The following USP42 variants were observed in gnomAD, a reference collection of about 807,000 sequenced individuals.
USP42 encodes the protein ubiquitin specific peptidase 42.
Under a neutral mutation model 113.0 loss-of-function variants are expected in USP42, and 23 were observed. That is an observed-to-expected ratio of 0.20 (90% CI 0.15 to 0.29). The LOEUF (loss-of-function observed/expected upper bound fraction) is 0.29, where lower values mean the gene tolerates loss of function less well. Ranked by LOEUF, USP42 falls within the 10% of genes least tolerant of loss-of-function variation. The probability of loss-of-function intolerance (pLI) is 1.00; values close to 1 mark genes in which losing one functional copy is unlikely to be tolerated. For missense variants in USP42, 2,174 were observed against 1,779.8 expected (o/e 1.22, Z -3.99); for synonymous variants, 933 against 699.0 (o/e 1.33, Z -5.28).
At chr7:6,104,284 A>G (rs938923320), upstream of USP42, among the ~76,000 whole-genome samples, 5 of 148,550 alleles carry the variant, frequency 3.4e-5, no homozygotes, top group Non-Finnish European at 7.4e-5. Context: ...GGGTTTCACC[A>G]TGCTGGCCAG....
At chr7:6,100,004 C>CTATTTTTATTAT (rs141280623), upstream of USP42, among the ~76,000 whole-genome samples, 7,480 of 144,248 alleles carry the variant, frequency 0.052, 750 homozygotes, top group East Asian at 0.41. Context: ...TTTCACAAGT[C>CTATTTTTATTAT]TATTATTATT....
rs546215515 is a variant in USP42, at chr7:6,133,255, C to T, written c.443-2586C>T. Among the ~76,000 whole-genome samples the T allele has an allele frequency of 2.0e-5, 3 of 152,222 alleles. No individual in the cohort carries two copies. In the South Asian group the frequency reaches 6.2e-4, roughly 32 times the overall value. On this transcript the variant is annotated intron_variant, in intron 3 of 17. Transcript: ENST00000306177. ...TCCCAAAAACCTCCTTTGTGCTTTT[C>T]GTTTGTAGATAATTGTTATTTCTTG... is the stretch of plus-strand genomic sequence containing the variant.
At chr7:6,155,334 G>T in intron 15 of USP42, 139 bp downstream of exon 15, 1 of 1,375,124 alleles carries the variant, frequency 7.3e-7, no homozygotes, top group Admixed American at 3.0e-5. Flanking sequence ...TCATTTCTGT[G>T]GGTTTTGAGA....
Position 6,125,484 on chromosome 7 carries a change from C to G in USP42, c.442+9961C>G, listed in dbSNP as rs142815293. Among the ~76,000 whole-genome samples the G allele has an allele frequency of 1.4e-4, 21 of 152,280 alleles. 1 individual carries two copies. The highest frequency in any genetic ancestry group is 3.6e-4 in the African/African-American group (15 of 41,566). ...CAGCCTAGGCAACAAGAGCGAAACTCTGTCACAAAACAAAACACAACAATA... is the reference window on the plus strand; with the variant it reads ...CAGCCTAGGCAACAAGAGCGAAACTGTGTCACAAAACAAAACACAACAATA... On this transcript the variant is annotated intron_variant, in intron 3 of 17. Coordinates refer to ENST00000306177, the MANE Select transcript of USP42 (RefSeq NM_032172.3).
intron 6 of USP42, among the ~76,000 whole-genome samples, 166 bp from the exon 7 acceptor site, chr7:6,140,748 C>T (rs970167765): frequency 5.3e-5 from 8 of 152,174 alleles, no homozygotes; most frequent in African/African-American, 1.9e-4. Flanking sequence ...TTACACTTTT[C>T]ACCCATATTA....
At chr7:6,146,457 C>T (rs962224520) in intron 11 of USP42, among the ~76,000 whole-genome samples, 7 of 151,984 alleles carry the variant, frequency 4.6e-5, no homozygotes, top group African/African-American at 1.7e-4. Context: ...CCCAGGAGTT[C>T]GAGACCGACC....
rs370996318 is a variant in USP42, at chr7:6,149,938, C to T, written c.1742C>T (p.Pro581Leu). Reference sequence around the variant, plus strand: ...TCAGTTTCTAGTAAAGTAACAAAACCGATCCCCCGCAGTGAATCCTGCTCC... The same window carrying T: ...TCAGTTTCTAGTAAAGTAACAAAACTGATCCCCCGCAGTGAATCCTGCTCC... ...TMSVSSKVTK[P>L]IPRSESCSQP... The change falls in exon 13 of 18, where the codon CCG (proline) becomes CTG (leucine). Residue 581 changes from proline (P) to leucine (L), a missense_variant. By Grantham distance (98) the Pro-to-Leu change is moderately conservative (BLOSUM62 -3). Coordinates refer to ENST00000306177, the MANE Select transcript of USP42 (RefSeq NM_032172.3). 1.4e-4 allele frequency: 224 copies of T among 1,614,000 alleles called. No homozygotes were observed. Among genetic ancestry groups the T allele is most frequent in the Non-Finnish European group, 1.7e-4 (206 of 1,179,894 alleles).
chr7:6,084,911 G>C, the USP42 span, among the ~76,000 whole-genome samples: 1 of 150,388 alleles, frequency 6.6e-6, no homozygotes, highest in Non-Finnish European at 1.5e-5. Flanking sequence ...TATAGATGGG[G>C]TTTCACCATG....
intron 3 of USP42, among the ~76,000 whole-genome samples, chr7:6,135,416 G>GGT (rs550131803): frequency 8.1e-4 from 124 of 152,200 alleles, no homozygotes; most frequent in African/African-American, 2.9e-3. Context: ...GGGAGGCCAA[G>GGT]GTGGGTGGAT....
At chr7:6,150,653 A>G (rs1480570265) in intron 14 of USP42, 147 bp downstream of exon 14, 1 of 804,466 alleles carries the variant, frequency 1.2e-6, no homozygotes, top group Non-Finnish European at 2.0e-6. Flanking sequence ...TATAGGATTT[A>G]TTAACTTGCC....
At chr7:6,141,338 G>A (rs1271186558) in intron 7 of USP42, among the ~76,000 whole-genome samples, 1 of 151,330 alleles carries the variant, frequency 6.6e-6, no homozygotes, top group Non-Finnish European at 1.5e-5. Context: ...GAGTAGGTGG[G>A]ACTATAGGTG....
At chr7:6,113,952 A>G (rs908354118) in intron 2 of USP42, among the ~76,000 whole-genome samples, 74 of 152,288 alleles carry the variant, frequency 4.9e-4, no homozygotes, top group African/African-American at 1.6e-3. Context: ...GCACTGGGGG[A>G]CTGCCAAAGC....
intron 3 of USP42, among the ~76,000 whole-genome samples, chr7:6,133,606 C>A (rs969339084): frequency 2.0e-5 from 3 of 152,006 alleles, no homozygotes; most frequent in African/African-American, 7.3e-5. Flanking sequence ...CCTCCAACTG[C>A]TGGGCTCAGG....
chr7:6,086,168 T>G, the USP42 span, among the ~76,000 whole-genome samples: 8 of 149,792 alleles, frequency 5.3e-5, no homozygotes, highest in Non-Finnish European at 2.9e-5. Flanking sequence ...CCCGAGTACC[T>G]GGGATTACAG....
At position 6,123,391 on chromosome 7, in the gene USP42, C is replaced by T. The variant is rs182110664; in HGVS notation, c.442+7868C>T. 5.5e-4 allele frequency among the ~76,000 whole-genome samples: 84 copies of T among 151,844 alleles called. 1 individual carries two copies. Among genetic ancestry groups the T allele is most frequent in the South Asian group, 2.5e-3 (12 of 4,794 alleles). ...AAATATTAAAAAATTGGGCTGGGTG[C>T]GGTGGCTCACGCCTGTAATCCCAGC... On this transcript the variant is annotated intron_variant, in intron 3 of 17. Coordinates refer to ENST00000306177, the MANE Select transcript of USP42 (RefSeq NM_032172.3).
At chr7:6,116,908 A>G (rs773257533) in intron 3 of USP42, 1 of 513,754 alleles carries the variant, frequency 1.9e-6, no homozygotes, top group South Asian at 1.5e-5. Context: ...GGACCAAGAC[A>G]AAATTCAGAA....
At chr7:6,095,487 G>T in the USP42 span, among the ~76,000 whole-genome samples, 1 of 151,134 alleles carries the variant, frequency 6.6e-6, no homozygotes, top group South Asian at 2.1e-4. Context: ...CGCCAACATA[G>T]TGAAACCCCG....
intron 12 of USP42, among the ~76,000 whole-genome samples, chr7:6,148,447 T>C (rs78352443): frequency 6.6e-6 from 1 of 152,252 alleles, no homozygotes; most frequent in Non-Finnish European, 1.5e-5. Context: ...AGGTCCCCTC[T>C]GGACTTCCAT....
At chr7:6,094,660 G>A in the USP42 span, among the ~76,000 whole-genome samples, 3 of 151,204 alleles carry the variant, frequency 2.0e-5, no homozygotes. Flanking sequence ...ATGAGCAGAT[G>A]ATGGAGACAC....
Sources: allele counts gnomAD v4.1 joint callset (sites outside exome capture counted in the v4.1 genomes callset), GRCh38; gene constraint gnomAD v4.1.1; transcripts MANE v1.5; gene names NCBI Gene and HGNC (gene_info 2026-07-23, HGNC 2026-07-21).